Variants in HECW2 observed in about 807,000 individuals in gnomAD.
The protein encoded by HECW2 is HECT, C2 and WW domain containing E3 ubiquitin protein ligase 2.
HECW2 carries 61 observed loss-of-function variants against 175.2 expected under a neutral mutation model. The observed-to-expected ratio is 0.35, with a 90% CI of 0.28 to 0.43. HECW2 has a LOEUF of 0.43. HECW2 is among the 20% of genes least tolerant of loss of function. The pLI is 1.00. For synonymous variants in HECW2, 671 were observed against 731.0 expected (o/e 0.92, Z 1.32); for missense variants, 1,524 against 2,000.5 (o/e 0.76, Z 4.54).
chr2:196,308,006 CG>C lies in HECW2; in HGVS notation c.2513del (p.Pro838ArgfsTer22). ...HVNRTTTWQR[P>X]TAPPAPQVLQ... ...GCACCTGCGGGGCTGGGGGAGCTGT[CG>C]GTCGCTGCCACGTCGTGGTTCTGTT... is the stretch of plus-strand genomic sequence containing the variant. On this transcript the variant is annotated frameshift_variant, in exon 11 of 29. Coordinates refer to ENST00000644978, the MANE Select transcript of HECW2 (RefSeq NM_001348768.2). LOFTEE classifies it high-confidence loss of function. 1 of 1,604,798 alleles carries C rather than the reference CG, an allele frequency of 6.2e-7. No individual in the cohort carries two copies. Among genetic ancestry groups the C allele is most frequent in the Non-Finnish European group, 8.5e-7 (1 of 1,173,138 alleles).
intron 5 of HECW2, among the ~76,000 whole-genome samples, chr2:196,328,177 GGATTTTAGTA>G (rs1481615493): frequency 6.6e-6 from 1 of 152,070 alleles, no homozygotes; most frequent in Non-Finnish European, 1.5e-5. Context: ...CTGTCACCAG[GGATTTTAGTA>G]GCTTCAGACC....
At chr2:196,387,905 A>G (rs1694396159) in intron 2 of HECW2, among the ~76,000 whole-genome samples, 1 of 152,198 alleles carries the variant, frequency 6.6e-6, no homozygotes, top group Non-Finnish European at 1.5e-5. Flanking sequence ...AGCAGCAGTA[A>G]ATAAGTTTTA....
intron 5 of HECW2, among the ~76,000 whole-genome samples, chr2:196,325,857 T>C (rs1692131618): frequency 6.6e-6 from 1 of 152,250 alleles, no homozygotes; most frequent in Non-Finnish European, 1.5e-5. Flanking sequence ...CACAAATTGC[T>C]GTTTCACACT....
chr2:196,522,853 C>T (rs1313258296), intron 1 of HECW2, among the ~76,000 whole-genome samples: 1 of 152,070 alleles, frequency 6.6e-6, no homozygotes, highest in Non-Finnish European at 1.5e-5. Context: ...AGTTTTGGTA[C>T]CAGTACATGC....
chr2:196,511,895 TG>T (rs1445430055), intron 1 of HECW2, among the ~76,000 whole-genome samples: 2 of 152,180 alleles, frequency 1.3e-5, no homozygotes, highest in African/African-American at 4.8e-5. Context: ...TTCAGGAACT[TG>T]GCACCCTTGC....
chr2:196,296,233 C>T (rs554054553), intron 13 of HECW2, among the ~76,000 whole-genome samples: 77 of 152,188 alleles, frequency 5.1e-4, no homozygotes, highest in African/African-American at 1.8e-3. Context: ...AACTACAGTG[C>T]AGATTCTAGT....
intron 1 of HECW2, among the ~76,000 whole-genome samples, chr2:196,560,997 A>C (rs1183156492): frequency 6.6e-6 from 1 of 152,228 alleles, no homozygotes; most frequent in African/African-American, 2.4e-5. Context: ...CCTTGAAAAA[A>C]GAATAGGATA....
chr2:196,575,501 G>A (rs532093958), intron 1 of HECW2, among the ~76,000 whole-genome samples: 12 of 152,110 alleles, frequency 7.9e-5, no homozygotes, highest in African/African-American at 2.9e-4. Context: ...CCAAGGTATG[G>A]AAACAGTCAA....
chr2:196,287,305 A>G (rs1690428662), intron 14 of HECW2, among the ~76,000 whole-genome samples: 1 of 152,176 alleles, frequency 6.6e-6, no homozygotes, highest in Admixed American at 6.6e-5. Flanking sequence ...AACACAACAA[A>G]CTATGGGAAA....
intron 1 of HECW2, among the ~76,000 whole-genome samples, chr2:196,523,226 T>G (rs541683211): frequency 6.6e-6 from 1 of 152,246 alleles, no homozygotes; most frequent in African/African-American, 2.4e-5. Flanking sequence ...TATTTTATTC[T>G]CTTTGAAGCA....
intron 1 of HECW2, among the ~76,000 whole-genome samples, chr2:196,443,090 C>T (rs771981937): frequency 1.3e-5 from 2 of 152,144 alleles, no homozygotes; most frequent in Non-Finnish European, 2.9e-5. Flanking sequence ...CGTCCTTTCT[C>T]CATGATGTTG....
chr2:196,331,735 A>G (rs1692368950), intron 4 of HECW2, among the ~76,000 whole-genome samples: 1 of 152,206 alleles, frequency 6.6e-6, no homozygotes, highest in South Asian at 2.1e-4. Flanking sequence ...CTGAACAACA[A>G]CTCTGGCAAA....
At chr2:196,471,086 G>T (rs539526950) in intron 1 of HECW2, among the ~76,000 whole-genome samples, 2 of 151,828 alleles carry the variant, frequency 1.3e-5, no homozygotes, top group South Asian at 4.2e-4. Flanking sequence ...ATGGACAATG[G>T]TGGGAGTATC....
At chr2:196,335,620 TATG>T (rs1276396986) in intron 3 of HECW2, among the ~76,000 whole-genome samples, 5 of 152,184 alleles carry the variant, frequency 3.3e-5, no homozygotes, top group Non-Finnish European at 7.3e-5. Flanking sequence ...AAGAGAAAGA[TATG>T]ATAACTGAAG....
At chr2:196,427,399 C>A (rs1363003053) in intron 2 of HECW2, among the ~76,000 whole-genome samples, 1 of 152,070 alleles carries the variant, frequency 6.6e-6, no homozygotes, top group Non-Finnish European at 1.5e-5. Flanking sequence ...GCAAATGGAG[C>A]CTTTTGAAGT....
At chr2:196,429,286 T>G (rs563764231) in intron 2 of HECW2, among the ~76,000 whole-genome samples, 3 of 152,150 alleles carry the variant, frequency 2.0e-5, no homozygotes, top group Non-Finnish European at 4.4e-5. Flanking sequence ...CTGCTCACAA[T>G]GACCCTATCA....
At chr2:196,292,855 C>T in intron 13 of HECW2, 105 bp from the exon 14 acceptor site, 4 of 845,912 alleles carry the variant, frequency 4.7e-6, no homozygotes, top group Non-Finnish European at 5.5e-6. Context: ...TAATGAAATG[C>T]ATATATAAGC....
chr2:196,209,012 G>T lies in HECW2; in HGVS notation c.4607+6853C>A, dbSNP rs557915745. Among the ~76,000 whole-genome samples, 6 of 152,330 alleles carry T rather than the reference G, an allele frequency of 3.9e-5. No homozygotes were observed. In the South Asian group the frequency reaches 1.0e-3, roughly 26 times the overall value. ...CAGTCTACTGCAGTAGTCCAGGTGA[G>T]GGGGGATGGTGTCATGGACTAGGCT... On this transcript the variant is annotated intron_variant, in intron 28 of 28. Transcript: ENST00000644978.
intron 2 of HECW2, among the ~76,000 whole-genome samples, chr2:196,370,884 T>C (rs1693888518): frequency 6.6e-6 from 1 of 152,218 alleles, no homozygotes; most frequent in Admixed American, 6.5e-5. Flanking sequence ...TCTGTGCCAC[T>C]TGCTGCTGCT....
Sources: gnomAD v4.1 joint callset for allele counts (sites outside exome capture counted in the v4.1 genomes callset) on GRCh38, gnomAD v4.1.1 for gene constraint, MANE v1.5 for transcripts, NCBI Gene and HGNC (gene_info 2026-07-23, HGNC 2026-07-21) for gene names.